The following INPP5A variants were observed in gnomAD, a reference collection of about 807,000 sequenced individuals.
The protein encoded by INPP5A is 43 kDa inositol polyphosphate 5-phophatase.
In INPP5A, 14 loss-of-function variants were observed where a neutral mutation model predicts 65.2. The observed-to-expected ratio is 0.21, with a 90% CI of 0.14 to 0.34. The LOEUF is 0.34. INPP5A is among the 10% of genes least tolerant of loss of function. INPP5A has a pLI of 1.00. For missense variants in INPP5A, 431 were observed against 545.6 expected (o/e 0.79, Z 2.09); for synonymous variants, 207 against 208.3 (o/e 0.99, Z 0.05).
chr10:132,681,526 C>T (rs527721848), intron 4 of INPP5A, among the ~76,000 whole-genome samples: 1 of 152,182 alleles, frequency 6.6e-6, no homozygotes, highest in African/African-American at 2.4e-5. Flanking sequence ...TAACACTCAC[C>T]GCGAGGGTCC....
chr10:132,710,717 G>A (rs1845621169), intron 8 of INPP5A, among the ~76,000 whole-genome samples: 1 of 150,960 alleles, frequency 6.6e-6, no homozygotes, highest in African/African-American at 2.4e-5. Context: ...GGTGTGCTGG[G>A]CAGGTAGGTG....
rs1684222658 is a variant in INPP5A at position 132,782,753 on chromosome 10, C to G, written c.*724C>G. ...GCTCAGCTGTGTGTCCATCAACACACAAATTCGTAAAAAACACACATGGCC... is the reference window on the plus strand; with the variant it reads ...GCTCAGCTGTGTGTCCATCAACACAGAAATTCGTAAAAAACACACATGGCC... On this transcript the variant is annotated 3_prime_UTR_variant, in exon 16 of 16. Coordinates refer to ENST00000368594, the MANE Select transcript of INPP5A (RefSeq NM_005539.5). The surrounding 1 kb of genome is among the most constrained non-coding windows in gnomAD (Gnocchi z 4.4). 1 of 152,328 alleles carries G rather than the reference C, an allele frequency of 6.6e-6. No individual in the cohort carries two copies. The highest frequency in any genetic ancestry group is 2.4e-5 in the African/African-American group (1 of 41,402). 9.4% of individuals were successfully genotyped at this position (152,328 alleles called of 1,614,324 possible). A position where few individuals can be genotyped will look rare whatever the true frequency, so the allele number is the denominator to read the frequency against.
chr10:132,557,741 G>A (rs2071145509), intron 1 of INPP5A, among the ~76,000 whole-genome samples: 1 of 152,186 alleles, frequency 6.6e-6, no homozygotes. Flanking sequence ...CGGGCTGCAG[G>A]GAGGTGAGTC....
Position 132,541,476 on chromosome 10 carries a change from C to T in INPP5A, c.75+3305C>T, listed in dbSNP as rs972905049. Reference sequence around the variant, plus strand: ...GTCTGACCCTGTGCAGACAGTGTTGCGGTAAATGCCTTACAGTGTACCGGT... The same window carrying T: ...GTCTGACCCTGTGCAGACAGTGTTGTGGTAAATGCCTTACAGTGTACCGGT... On this transcript the variant is annotated intron_variant, in intron 1 of 15. Transcript: ENST00000368594. Among the ~76,000 whole-genome samples, 9 of 152,312 alleles carry T rather than the reference C, an allele frequency of 5.9e-5. No individual in the cohort carries two copies. In the East Asian group the frequency reaches 1.5e-3, roughly 26 times the overall value.
At chr10:132,636,591 G>A (rs1421471596) in intron 2 of INPP5A, among the ~76,000 whole-genome samples, 2 of 152,186 alleles carry the variant, frequency 1.3e-5, no homozygotes, top group South Asian at 2.1e-4. Context: ...ACCCCCAGTC[G>A]CTCCTGTCCC....
chr10:132,574,696 A>AT lies in INPP5A; in HGVS notation c.76-33207dup, dbSNP rs754973521. ...TTTTTTGTAGAGATGGGGTCTCAGT[A>AT]TTTTTTTTTTTTGAGACAGAGTCTC... On this transcript the variant is annotated intron_variant, in intron 1 of 15. Transcript: ENST00000368594. Among the ~76,000 whole-genome samples, 951 of 104,002 alleles carry AT rather than the reference A, an allele frequency of 9.1e-3. 11 individuals are homozygous for AT. Among genetic ancestry groups the AT allele is most frequent in the East Asian group, 0.033 (126 of 3,838 alleles). The allele number at this position is 104,002 out of a possible 152,430, so 68.2% of individuals were successfully genotyped here. A position where few individuals can be genotyped will look rare whatever the true frequency, so the allele number is the denominator to read the frequency against.
Position 132,610,784 on chromosome 10 carries a change from G to T in INPP5A, c.117+2828G>T, listed in dbSNP as rs2814458. Reference sequence around the variant, plus strand: ...AGCTGCATCTGCTGCAGGGTTTGGAGCTGGTGTCTTTGCTCACTAACTGAA... The same window carrying T: ...AGCTGCATCTGCTGCAGGGTTTGGATCTGGTGTCTTTGCTCACTAACTGAA... On this transcript the variant is annotated intron_variant, in intron 2 of 15. Coordinates refer to ENST00000368594, the MANE Select transcript of INPP5A (RefSeq NM_005539.5). Among the ~76,000 whole-genome samples the T allele has an allele frequency of 8.7e-3, 1,326 of 152,378 alleles. 8 individuals are homozygous for T. Among genetic ancestry groups the T allele is most frequent in the Non-Finnish European group, 0.012 (836 of 68,040 alleles).
rs146055228 is a variant in INPP5A at position 132,544,917 on chromosome 10, C to T, written c.75+6746C>T. ...TGCTGAGGAGAGAGTTTAGATCACC[C>T]GGGTTAGGGGTGGGGGTGGTGGGAC... On this transcript the variant is annotated intron_variant, in intron 1 of 15. Coordinates refer to ENST00000368594, the MANE Select transcript of INPP5A (RefSeq NM_005539.5). 7.5e-5 allele frequency among the ~76,000 whole-genome samples: 11 copies of T among 147,030 alleles called. No individual in the cohort carries two copies. In the East Asian group the frequency reaches 1.5e-3, roughly 21 times the overall value.
At chr10:132,574,381 G>A (rs559140066) in intron 1 of INPP5A, among the ~76,000 whole-genome samples, 1 of 150,104 alleles carries the variant, frequency 6.7e-6, no homozygotes, top group South Asian at 2.1e-4. Context: ...GTTTTGTTGA[G>A]ATGTTGGGGT....
At chr10:132,725,465 C>A (rs1366496572) in intron 8 of INPP5A, among the ~76,000 whole-genome samples, 1 of 152,250 alleles carries the variant, frequency 6.6e-6, no homozygotes, top group East Asian at 1.9e-4. Context: ...AACAAGACCA[C>A]ATAAGAACTG....
rs1218438386 is a variant in INPP5A at position 132,705,901 on chromosome 10, A to G, written c.475-2412A>G. On this transcript the variant is annotated intron_variant, in intron 6 of 15. Transcript: ENST00000368594. The surrounding 1 kb of genome is among the most constrained non-coding windows in gnomAD (Gnocchi z 4.9). ...AACCAAGAACGTCTATGAGACGAGC[A>G]GACACCAGAATACAGACTCACCCCA... Among the ~76,000 whole-genome samples the G allele has an allele frequency of 6.6e-6, 1 of 152,250 alleles. No individual in the cohort carries two copies.
At chr10:132,763,454 G>C (rs1846768776) in intron 11 of INPP5A, among the ~76,000 whole-genome samples, 1 of 152,288 alleles carries the variant, frequency 6.6e-6, no homozygotes, top group Admixed American at 6.5e-5. Flanking sequence ...CGTGTTTATA[G>C]GCCTGTGTGT....
rs1292691352 is a variant in INPP5A at position 132,538,412 on chromosome 10, A to G, written c.75+241A>G. On this transcript the variant is annotated intron_variant, in intron 1 of 15. Transcript: ENST00000368594. This position sits in a 1 kb window ranked among gnomAD's most constrained non-coding sequence, Gnocchi z 4.1. ...CCTGGGCCCTGAATCCCCGAACCCCATCCTCCAGACTCCAGCAGCTGACCG... is the reference window on the plus strand; with the variant it reads ...CCTGGGCCCTGAATCCCCGAACCCCGTCCTCCAGACTCCAGCAGCTGACCG... 6.6e-6 allele frequency among the ~76,000 whole-genome samples: 1 copy of G among 151,802 alleles called. No homozygotes were observed. The highest frequency in any genetic ancestry group is 1.9e-4 in the East Asian group (1 of 5,176).
chr10:132,631,170 C>T lies in INPP5A; in HGVS notation c.118-14698C>T, dbSNP rs528871771. Reference sequence around the variant, plus strand: ...TGCCTGCGGTGAGGTCATGGAAACTCATGGTGTCCTGTGTGCAGGGCGGAG... The same window carrying T: ...TGCCTGCGGTGAGGTCATGGAAACTTATGGTGTCCTGTGTGCAGGGCGGAG... On this transcript the variant is annotated intron_variant, in intron 2 of 15. Transcript: ENST00000368594. 7.9e-5 allele frequency among the ~76,000 whole-genome samples: 12 copies of T among 152,316 alleles called. No homozygotes were observed. The South Asian group carries it at 2.3e-3, about 29-fold the overall frequency.
At position 132,681,394 on chromosome 10, in the gene INPP5A, C is replaced by T. The variant is rs191865806; in HGVS notation, c.307-8998C>T. 2.3e-3 allele frequency among the ~76,000 whole-genome samples: 354 copies of T among 152,248 alleles called. 4 individuals carry two copies. The highest frequency in any genetic ancestry group is 0.01 in the Admixed American group (159 of 15,286). On this transcript the variant is annotated intron_variant, in intron 4 of 15. Coordinates refer to ENST00000368594, the MANE Select transcript of INPP5A (RefSeq NM_005539.5). The stretch of plus-strand genomic sequence containing the variant: ...TGCCTTTATGAGCTGTAACACTCAC[C>T]GCGAAGATCTGCAGCTTCACTCCTG...
intron 8 of INPP5A, among the ~76,000 whole-genome samples, chr10:132,723,013 G>A (rs954269486): frequency 1.4e-4 from 21 of 152,218 alleles, no homozygotes; most frequent in African/African-American, 5.1e-4. Context: ...CAGCCCCTTC[G>A]TCTTGCGGCC....
At position 132,678,042 on chromosome 10, in the gene INPP5A, G is replaced by A. The variant is rs1291079908; in HGVS notation, c.307-12350G>A. ...TCCCGCCAGCAGCCAGCCGGGAGAG[G>A]GGCTCGGCAGGAGGCCAGACAGGGG... On this transcript the variant is annotated intron_variant, in intron 4 of 15. Coordinates refer to ENST00000368594, the MANE Select transcript of INPP5A (RefSeq NM_005539.5). The surrounding 1 kb of genome is among the most constrained non-coding windows in gnomAD (Gnocchi z 4.1). Among the ~76,000 whole-genome samples, 1 of 152,246 alleles carries A rather than the reference G, an allele frequency of 6.6e-6. No individual in the cohort carries two copies. Among genetic ancestry groups the A allele is most frequent in the Non-Finnish European group, 1.5e-5 (1 of 68,050 alleles).
chr10:132,728,115 G>A (rs1428460073), intron 9 of INPP5A, among the ~76,000 whole-genome samples: 2 of 152,210 alleles, frequency 1.3e-5, no homozygotes, highest in South Asian at 2.1e-4. Flanking sequence ...GCATGCCTGT[G>A]TATCAACATT....
chr10:132,645,144 C>T (rs2072476199), intron 2 of INPP5A, among the ~76,000 whole-genome samples: 2 of 147,318 alleles, frequency 1.4e-5, no homozygotes, highest in South Asian at 2.3e-4. Flanking sequence ...CACGCTGCAG[C>T]GGTGATTGCT....
Sources: allele counts gnomAD v4.1 joint callset (sites outside exome capture counted in the v4.1 genomes callset), GRCh38; gene constraint gnomAD v4.1.1; non-coding constraint Gnocchi (gnomAD v3.1); transcripts MANE v1.5; gene names NCBI Gene and HGNC (gene_info 2026-07-23, HGNC 2026-07-21).